Variants in NDRG4 observed in about 807,000 individuals in gnomAD.
NDRG4 encodes NDRG family member 4.
A neutral mutation model predicts 55.8 loss-of-function variants in NDRG4; 38 were observed. The ratio of observed to expected loss-of-function variants is 0.68; its 90% CI spans 0.53 to 0.89. NDRG4 has a LOEUF of 0.89. NDRG4 is among the 40% of genes least tolerant of loss of function. The pLI, the probability that NDRG4 is intolerant of heterozygous loss-of-function variation, is 0.00. For synonymous variants in NDRG4, 190 were observed against 182.7 expected (o/e 1.04, Z -0.32); for missense variants, 455 against 468.6 (o/e 0.97, Z 0.27).
At position 58,511,884 on chromosome 16, in the gene NDRG4, T is replaced by G; in HGVS notation, c.*308T>G. On this transcript the variant is annotated 3_prime_UTR_variant, in exon 15 of 15. Transcript: ENST00000570248. Reference sequence around the variant, plus strand: ...GGAGATTCGCTACGGATCCAGGCCATTCCTGGGTGAGCCCTTGGGCAGGCA... The same window carrying G: ...GGAGATTCGCTACGGATCCAGGCCAGTCCTGGGTGAGCCCTTGGGCAGGCA... 2 of 450,672 alleles carry G rather than the reference T, an allele frequency of 4.4e-6. No homozygotes were observed. The allele number at this position is 450,672 out of a possible 1,614,324, so 27.9% of individuals were successfully genotyped here.
rs1412462681 is a variant in NDRG4, at chr16:58,508,106, G to A, written c.729+107G>A. The A allele has an allele frequency of 2.8e-6, 3 of 1,053,358 alleles. No individual in the cohort carries two copies. In the East Asian group the frequency reaches 7.6e-5, roughly 27 times the overall value. 65.3% of individuals were successfully genotyped at this position (1,053,358 alleles called of 1,614,324 possible). ...TTGATCCAGCCCAGGGGAGCCTCCA[G>A]GGCCAGCAGTGGACGGTGGGCTTCT... On this transcript the variant is annotated intron_variant, in intron 10 of 14. Transcript: ENST00000570248.
chr16:58,483,926 G>T (rs1023103003), intron 1 of NDRG4, among the ~76,000 whole-genome samples: 1 of 151,998 alleles, frequency 6.6e-6, no homozygotes, highest in Non-Finnish European at 1.5e-5. Flanking sequence ...AAAAATAGTC[G>T]GGCTCTGGTG....
chr16:58,467,606 T>C (rs1258031363), intron 1 of NDRG4, among the ~76,000 whole-genome samples: 1 of 152,248 alleles, frequency 6.6e-6, no homozygotes, highest in Admixed American at 6.5e-5. Flanking sequence ...CTCATGTTCC[T>C]ATTTCTCAGA....
At chr16:58,495,757 T>C (rs1213498316), upstream of NDRG4, among the ~76,000 whole-genome samples, 2 of 152,186 alleles carry the variant, frequency 1.3e-5, no homozygotes, top group Non-Finnish European at 2.9e-5. Context: ...GGTCCCTCGG[T>C]CACGCGCCAC....
intron 1 of NDRG4, among the ~76,000 whole-genome samples, chr16:58,478,387 T>TA (rs771500758): frequency 1.9e-3 from 125 of 67,124 alleles, no homozygotes; most frequent in African/African-American, 3.6e-3. Flanking sequence ...AGACTCCATC[T>TA]AAAAAAAAAA....
intron 1 of NDRG4, among the ~76,000 whole-genome samples, chr16:58,478,159 G>C (rs1471969644): frequency 6.6e-6 from 1 of 152,158 alleles, no homozygotes; most frequent in East Asian, 1.9e-4. Flanking sequence ...GAGAGGCCAA[G>C]GTGGATGGAT....
At chr16:58,496,283 G>A (rs574394303), upstream of NDRG4, among the ~76,000 whole-genome samples, 388 of 152,224 alleles carry the variant, frequency 2.5e-3, 1 homozygote, top group African/African-American at 8.8e-3. Context: ...AGCCCTCTGA[G>A]CTGCAGCCCC....
intron 3 of NDRG4, chr16:58,495,084 A>G (rs774608035): frequency 2.4e-5 from 35 of 1,473,024 alleles, no homozygotes; most frequent in Non-Finnish European, 3.2e-5. Flanking sequence ...CAGGTCCCAG[A>G]GGAGGGTCAC....
intron 1 of NDRG4, 85 bp from the exon 2 acceptor site, chr16:58,503,713 A>G (rs758034889): frequency 6.3e-7 from 1 of 1,584,942 alleles, no homozygotes; most frequent in Non-Finnish European, 8.6e-7. Flanking sequence ...CAGGCCTAAC[A>G]GGTACCAGGC....
At chr16:58,470,723 A>G (rs2032606652) in intron 1 of NDRG4, among the ~76,000 whole-genome samples, 1 of 152,108 alleles carries the variant, frequency 6.6e-6, no homozygotes, top group Non-Finnish European at 1.5e-5. Context: ...CCTGGCCAAC[A>G]TGGCAAAACC....
chr16:58,464,925 C>G lies in NDRG4; in HGVS notation c.-24+1128C>G. ...GGGAGTGGAGGCGACGCCAAGTGGC[C>G]TGGGAAGTGGGAAGCCAGATTGGAC... is the stretch of plus-strand genomic sequence containing the variant. On this transcript the variant is annotated intron_variant, in intron 1 of 15. Transcript: ENST00000258187. The surrounding 1 kb of genome is among the most constrained non-coding windows in gnomAD (Gnocchi z 4.8). The G allele has an allele frequency of 3.4e-6, 4 of 1,175,038 alleles. No homozygotes were observed. Among genetic ancestry groups the G allele is most frequent in the Non-Finnish European group, 4.3e-6 (4 of 935,242 alleles). 72.8% of individuals were successfully genotyped at this position (1,175,038 alleles called of 1,614,324 possible).
intron 1 of NDRG4, chr16:58,502,237 C>T: frequency 2.9e-6 from 1 of 341,934 alleles, no homozygotes; most frequent in Non-Finnish European, 5.9e-6. Context: ...GGTCAGTGGT[C>T]AGTGGCGGGG....
At chr16:58,508,232 G>A (rs2038307498) in intron 10 of NDRG4, among the ~76,000 whole-genome samples, 1 of 152,214 alleles carries the variant, frequency 6.6e-6, no homozygotes, top group African/African-American at 2.4e-5. Flanking sequence ...GCCAGGGCTG[G>A]GCCATCAGAA....
chr16:58,490,321 C>A (rs2035631150), intron 2 of NDRG4, among the ~76,000 whole-genome samples: 1 of 152,036 alleles, frequency 6.6e-6, no homozygotes, highest in African/African-American at 2.4e-5. Context: ...CAGCAGGGCC[C>A]CCCAGTACAA....
intron 2 of NDRG4, 113 bp from the exon 3 acceptor site, chr16:58,504,041 T>TC: frequency 6.3e-7 from 1 of 1,579,644 alleles, no homozygotes; most frequent in Non-Finnish European, 8.6e-7. Flanking sequence ...GGCCTCCATT[T>TC]CCCCGACGGA....
chr16:58,507,784 TC>T, intron 8 of NDRG4, 23 bp from the exon 9 acceptor site: 1 of 1,612,120 alleles, frequency 6.2e-7, no homozygotes, highest in Non-Finnish European at 8.5e-7. Flanking sequence ...CACCTCTGCC[TC>T]TGCCCCTCCC....
Position 58,507,648 on chromosome 16 carries a change from C to T in NDRG4, c.621-160C>T, listed in dbSNP as rs909750227. The T allele has an allele frequency of 1.8e-5, 12 of 684,456 alleles. No individual in the cohort carries two copies. In the South Asian group the frequency reaches 2.0e-4, roughly 11 times the overall value. 42.4% of individuals were successfully genotyped at this position (684,456 alleles called of 1,614,324 possible). ...AATTTGAGAGCCCACCTGGTATGTG[C>T]TAGGGAGTCCAAAAAGCCGTGACAG... On this transcript the variant is annotated intron_variant, in intron 8 of 14. Transcript: ENST00000570248.
Position 58,464,777 on chromosome 16 carries a change from C to T in NDRG4, c.-24+980C>T. 3 of 1,275,886 alleles carry T rather than the reference C, an allele frequency of 2.4e-6. No individual in the cohort carries two copies. The highest frequency in any genetic ancestry group is 3.0e-6 in the Non-Finnish European group (3 of 1,012,526). 79.0% of individuals were successfully genotyped at this position (1,275,886 alleles called of 1,614,324 possible). A position where few individuals can be genotyped will look rare whatever the true frequency, so the allele number is the denominator to read the frequency against. On this transcript the variant is annotated intron_variant, in intron 1 of 15. Coordinates refer to the NDRG4 transcript ENST00000258187. The surrounding 1 kb of genome is among the most constrained non-coding windows in gnomAD (Gnocchi z 4.8). ...TAGCTCAGGGCTCCTGCCCTCCAATCAGTGTCGCTTGTCCCCTAAGAAAGG... is the reference window on the plus strand; with the variant it reads ...TAGCTCAGGGCTCCTGCCCTCCAATTAGTGTCGCTTGTCCCCTAAGAAAGG...
upstream of NDRG4, chr16:58,499,862 C>A: frequency 2.7e-6 from 1 of 368,030 alleles, no homozygotes; most frequent in Admixed American, 4.1e-5. Flanking sequence ...CGGAGGATCC[C>A]GTGTGAGCTG....
Sources: allele counts gnomAD v4.1 joint callset (sites outside exome capture counted in the v4.1 genomes callset), GRCh38; gene constraint gnomAD v4.1.1; non-coding constraint Gnocchi (gnomAD v3.1); transcripts MANE v1.5; gene names NCBI Gene and HGNC (gene_info 2026-07-23, HGNC 2026-07-21).